Variants in RNF17 observed in about 807,000 individuals in gnomAD.
The protein encoded by RNF17 is spermatogenesis associated 23.
In RNF17, 31 loss-of-function variants were observed where a neutral mutation model predicts 200.5. The ratio of observed to expected loss-of-function variants is 0.15; its 90% CI spans 0.12 to 0.21. RNF17 has a LOEUF of 0.21. RNF17 is among the 10% of genes least tolerant of loss of function. The pLI is 1.00. For missense variants in RNF17, 1,628 were observed against 1,905.1 expected, an observed-to-expected ratio of 0.85 and a Z score of 2.71; for synonymous variants, 606 against 637.8, an observed-to-expected ratio of 0.95 and a Z score of 0.75.
chr13:24,840,770 A>G (rs1890545671), intron 18 of RNF17, among the ~76,000 whole-genome samples: 1 of 152,146 alleles, frequency 6.6e-6, no homozygotes, highest in Non-Finnish European at 1.5e-5. Context: ...ATAAAAGACT[A>G]CAAATACGGT....
At chr13:24,857,019 A>G (rs1410534179) in intron 25 of RNF17, among the ~76,000 whole-genome samples, 2 of 152,178 alleles carry the variant, frequency 1.3e-5, no homozygotes, top group African/African-American at 4.8e-5. Flanking sequence ...CTTTGGAAAT[A>G]TAGATAGATA....
intron 5 of RNF17, among the ~76,000 whole-genome samples, chr13:24,781,544 G>A (rs116685281): frequency 0.08 from 12,227 of 152,172 alleles, 544 homozygotes; most frequent in East Asian, 0.16. Context: ...GCCAAGGCAG[G>A]AGGATCCCTT....
rs776859084 is a variant in RNF17 at position 24,764,202 on chromosome 13, C to A, written c.-2C>A. 6 of 1,582,262 alleles carry A rather than the reference C, an allele frequency of 3.8e-6. No individual in the cohort carries two copies. The highest frequency in any genetic ancestry group is 5.2e-6 in the Non-Finnish European group (6 of 1,156,360). ...CGGTTGTTCCAGAAGAAAGAGACAG[C>A]GATGGCGGCAGAGGCTTCGAAGACT... is the stretch of plus-strand genomic sequence containing the variant. On this transcript the variant is annotated 5_prime_UTR_variant, in exon 1 of 36. Transcript: ENST00000255324.
chr13:24,778,176 C>G (rs569333148), intron 3 of RNF17, 119 bp from the exon 4 acceptor site: 5 of 626,798 alleles, frequency 8.0e-6, no homozygotes, highest in African/African-American at 7.5e-5. Flanking sequence ...GTGGGATGAT[C>G]GCTGGAGCCT....
At chr13:24,879,021 G>A (rs1895155350) in intron 34 of RNF17, among the ~76,000 whole-genome samples, 166 bp from the exon 35 acceptor site, 1 of 151,558 alleles carries the variant, frequency 6.6e-6, no homozygotes, top group Admixed American at 6.6e-5. Context: ...GGAAAGAATG[G>A]GATTTTGCAG....
intron 20 of RNF17, 70 bp from the exon 21 acceptor site, chr13:24,844,582 G>A (rs1179831406): frequency 2.4e-6 from 3 of 1,253,956 alleles, no homozygotes; most frequent in Non-Finnish European, 3.4e-6. Flanking sequence ...AGCGGAGATT[G>A]TAGGAAACAT....
intron 6 of RNF17, among the ~76,000 whole-genome samples, chr13:24,782,658 G>A (rs753597153): frequency 1.3e-5 from 2 of 151,726 alleles, no homozygotes; most frequent in African/African-American, 4.8e-5. Context: ...GCAACACAGC[G>A]AGACTCCATC....
At chr13:24,877,394 C>A (rs1464502229) in intron 34 of RNF17, among the ~76,000 whole-genome samples, 1 of 152,078 alleles carries the variant, frequency 6.6e-6, no homozygotes, top group Non-Finnish European at 1.5e-5. Flanking sequence ...ATTTAACAAA[C>A]TGCTTACCCC....
downstream of RNF17, among the ~76,000 whole-genome samples, chr13:24,881,728 T>C (rs1779420392): frequency 6.8e-6 from 1 of 147,934 alleles, no homozygotes; most frequent in Non-Finnish European, 1.5e-5. Context: ...TATATCTATC[T>C]AGATTATCTA....
intron 11 of RNF17, among the ~76,000 whole-genome samples, chr13:24,797,130 G>T (rs1884669815): frequency 6.6e-6 from 1 of 152,096 alleles, no homozygotes; most frequent in South Asian, 2.1e-4. Flanking sequence ...CTAAGAGGAG[G>T]GAAGTGTAGT....
At chr13:24,865,885 T>C (rs993717733) in intron 29 of RNF17, among the ~76,000 whole-genome samples, 6 of 152,186 alleles carry the variant, frequency 3.9e-5, no homozygotes, top group African/African-American at 1.4e-4. Flanking sequence ...CTGTGAACAT[T>C]TTAAAGGGAA....
rs74042524 is a variant in RNF17 at position 24,867,929 on chromosome 13, G to T, written c.4162-671G>T. ...TAAATACAGCAAAAATGTATAAAAG[G>T]AAAAAGGATCTGTTCCTCATTCTGC... On this transcript the variant is annotated intron_variant, in intron 30 of 35. Coordinates refer to ENST00000255324, the MANE Select transcript of RNF17 (RefSeq NM_031277.3). 7.6e-3 allele frequency among the ~76,000 whole-genome samples: 1,154 copies of T among 152,142 alleles called. 15 individuals are homozygous for T. Among genetic ancestry groups the T allele is most frequent in the East Asian group, 0.052 (271 of 5,184 alleles).
intron 15 of RNF17, among the ~76,000 whole-genome samples, chr13:24,817,804 CTTTTCTAGTTA>C (rs1478958958): frequency 1.3e-5 from 2 of 150,734 alleles, no homozygotes; most frequent in African/African-American, 4.9e-5. Context: ...ACTTCTCTTT[CTTTTCTAGTTA>C]TTCTAGCTAA....
At chr13:24,805,484 C>T (rs1034694121) in intron 15 of RNF17, among the ~76,000 whole-genome samples, 1 of 152,146 alleles carries the variant, frequency 6.6e-6, no homozygotes, top group African/African-American at 2.4e-5. Context: ...TCTTTCACTT[C>T]AACTTAATGT....
At position 24,830,843 on chromosome 13, in the gene RNF17, A is replaced by G. The variant is rs534264702; in HGVS notation, c.2361+244A>G. On this transcript the variant is annotated intron_variant, in intron 17 of 35. Transcript: ENST00000255324. ...AGTACTTGTTGGCAGCTTTTAATATATCATTTTGAGATCATATATTGTGGT... is the reference window on the plus strand; with the variant it reads ...AGTACTTGTTGGCAGCTTTTAATATGTCATTTTGAGATCATATATTGTGGT... 2.6e-5 allele frequency among the ~76,000 whole-genome samples: 4 copies of G among 152,338 alleles called. 1 individual carries two copies. In the East Asian group the frequency reaches 7.7e-4, roughly 29 times the overall value.
rs1177563194 is a variant in RNF17, at chr13:24,866,192, A to C, written c.4150A>C (p.Ile1384Leu). 1.3e-6 allele frequency: 2 copies of C among 1,552,580 alleles called. No individual in the cohort carries two copies. The highest frequency in any genetic ancestry group is 1.8e-6 in the Non-Finnish European group (2 of 1,127,552). Residue 1384 changes from isoleucine (I) to leucine (L), a missense_variant, in exon 30 of 36, where the codon ATA becomes CTA. Ile to Leu is a conservative substitution (Grantham distance 5, BLOSUM62 2). Transcript: ENST00000255324. ...AAAGTATGAAGAGGAACAATGGGAA[A>C]TAAGGTTTGAGGTAAGTAACAATCC... ...DKKYEEEQWE[I>L]RFEELLSAET...
chr13:24,805,366 C>T (rs1477591384), intron 15 of RNF17, among the ~76,000 whole-genome samples: 1 of 152,160 alleles, frequency 6.6e-6, no homozygotes, highest in Non-Finnish European at 1.5e-5. Context: ...CATTTCTTCT[C>T]CCCTAGTCCC....
intron 9 of RNF17, among the ~76,000 whole-genome samples, chr13:24,792,285 T>A (rs1385500302): frequency 6.6e-6 from 1 of 152,190 alleles, no homozygotes; most frequent in Non-Finnish European, 1.5e-5. Context: ...AGTATTAGTA[T>A]AACCTGCATG....
Position 24,787,692 on chromosome 13 carries a change from C to T in RNF17, c.612-296C>T, listed in dbSNP as rs1046783818. Reference sequence around the variant, plus strand: ...AGGCCTTAGATGGTCTATTGTATGTCTCTACTTATAATCTCCTGCCTTCCA... The same window carrying T: ...AGGCCTTAGATGGTCTATTGTATGTTTCTACTTATAATCTCCTGCCTTCCA... On this transcript the variant is annotated intron_variant, in intron 6 of 35. Transcript: ENST00000255324. Among the ~76,000 whole-genome samples the T allele has an allele frequency of 3.3e-5, 5 of 152,288 alleles. No individual in the cohort carries two copies. The East Asian group carries it at 5.8e-4, about 18-fold the overall frequency.
Sources: gnomAD v4.1 joint callset for allele counts (sites outside exome capture counted in the v4.1 genomes callset) on GRCh38, gnomAD v4.1.1 for gene constraint, MANE v1.5 for transcripts, NCBI Gene and HGNC (gene_info 2026-07-23, HGNC 2026-07-21) for gene names.